ZNF385D: variants seen among roughly 807,000 people sequenced by gnomAD.
ZNF385D encodes zinc finger protein 385D.
Under a neutral mutation model 35.8 loss-of-function variants are expected in ZNF385D, and 15 were observed. That is an observed-to-expected ratio of 0.42 (90% CI 0.28 to 0.64). The LOEUF (loss-of-function observed/expected upper bound fraction) is 0.64, where lower values mean the gene tolerates loss of function less well. Ranked by LOEUF, ZNF385D falls within the 30% of genes least tolerant of loss-of-function variation. The pLI is 0.23. For missense variants in ZNF385D, 474 were observed against 494.6 expected (o/e 0.96, Z 0.39); for synonymous variants, 212 against 186.8 (o/e 1.13, Z -1.10).
chr3:21,636,571 G>A (rs9845796), intron 2 of ZNF385D, among the ~76,000 whole-genome samples: 2,580 of 150,890 alleles, frequency 0.017, 68 homozygotes, highest in African/African-American at 0.059. Context: ...GGAGAAAGAT[G>A]TAGCCTGGGA....
chr3:21,832,138 T>G (rs1000412374), intron 3 of ZNF385D, among the ~76,000 whole-genome samples: 19 of 152,204 alleles, frequency 1.2e-4, no homozygotes, highest in African/African-American at 4.6e-4. Context: ...TTAAATCTTT[T>G]TATTTGTAAC....
intron 3 of ZNF385D, among the ~76,000 whole-genome samples, chr3:21,792,439 G>C (rs543500906): frequency 6.6e-6 from 1 of 152,118 alleles, no homozygotes; most frequent in Non-Finnish European, 1.5e-5. Context: ...ACACCTATTT[G>C]TTTGCTTATT....
intron 3 of ZNF385D, among the ~76,000 whole-genome samples, chr3:21,859,413 A>AG (rs899119948): frequency 7.9e-5 from 12 of 152,036 alleles, no homozygotes; most frequent in African/African-American, 2.9e-4. Context: ...AACAGAAAAA[A>AG]AAAAAAACTG....
At chr3:21,841,771 T>G (rs2125788217) in intron 3 of ZNF385D, among the ~76,000 whole-genome samples, 1 of 152,036 alleles carries the variant, frequency 6.6e-6, no homozygotes, top group East Asian at 1.9e-4. Context: ...ACCTTGACTT[T>G]ATTGGTTTAA....
At chr3:22,288,355 T>C (rs961425313) in intron 2 of ZNF385D, among the ~76,000 whole-genome samples, 5 of 152,056 alleles carry the variant, frequency 3.3e-5, no homozygotes, top group African/African-American at 9.7e-5. Flanking sequence ...CTTGATTTCT[T>C]CTCCTGGAAT....
chr3:22,201,479 G>C (rs1696795565), intron 2 of ZNF385D, among the ~76,000 whole-genome samples: 1 of 152,036 alleles, frequency 6.6e-6, no homozygotes, highest in Non-Finnish European at 1.5e-5. Flanking sequence ...GGAAATAATT[G>C]ATGAGCACTT....
chr3:22,200,194 C>T (rs1407368995), intron 2 of ZNF385D, among the ~76,000 whole-genome samples: 1 of 152,036 alleles, frequency 6.6e-6, no homozygotes, highest in African/African-American at 2.4e-5. Flanking sequence ...GGTCAATTCA[C>T]TTTTCATTAA....
chr3:22,276,735 A>G (rs886214594), intron 2 of ZNF385D, among the ~76,000 whole-genome samples: 1 of 152,174 alleles, frequency 6.6e-6, no homozygotes, highest in Admixed American at 6.6e-5. Context: ...ACATCAAACC[A>G]AAGTACTGGC....
At chr3:22,364,791 G>A (rs1236465542) in intron 2 of ZNF385D, among the ~76,000 whole-genome samples, 1 of 152,058 alleles carries the variant, frequency 6.6e-6, no homozygotes, top group Non-Finnish European at 1.5e-5. Context: ...GTGCACTCAT[G>A]TTTACAGCAA....
At chr3:21,828,574 A>C (rs915957580) in intron 3 of ZNF385D, among the ~76,000 whole-genome samples, 3 of 152,210 alleles carry the variant, frequency 2.0e-5, no homozygotes, top group Admixed American at 2.0e-4. Flanking sequence ...TTTGTTCTAC[A>C]AATATTTATT....
intron 4 of ZNF385D, among the ~76,000 whole-genome samples, chr3:21,482,604 T>G (rs1280140995): frequency 6.6e-6 from 1 of 152,190 alleles, no homozygotes; most frequent in East Asian, 1.9e-4. Flanking sequence ...CTTTTTCAAA[T>G]TAGTGATGTC....
At chr3:21,975,725 A>ATG (rs1559808638) in intron 3 of ZNF385D, among the ~76,000 whole-genome samples, 6 of 6,488 alleles carry the variant, frequency 9.2e-4, no homozygotes, top group African/African-American at 1.9e-3. Flanking sequence ...ATATATATAT[A>ATG]TATATATATA....
chr3:21,645,783 A>G (rs1449851408), intron 2 of ZNF385D, among the ~76,000 whole-genome samples: 1 of 152,144 alleles, frequency 6.6e-6, no homozygotes, highest in Non-Finnish European at 1.5e-5. Flanking sequence ...ACTTCATCCA[A>G]CTAGATATTT....
intron 2 of ZNF385D, among the ~76,000 whole-genome samples, chr3:22,347,272 A>G (rs2125490027): frequency 6.6e-6 from 1 of 152,318 alleles, no homozygotes; most frequent in East Asian, 1.9e-4. Flanking sequence ...CTTTGACAAA[A>G]TTCAATTTAT....
At chr3:21,839,784 T>G (rs1695551622) in intron 3 of ZNF385D, among the ~76,000 whole-genome samples, 1 of 151,944 alleles carries the variant, frequency 6.6e-6, no homozygotes, top group South Asian at 2.1e-4. Context: ...ATACCAGCAA[T>G]CAAATGCCTG....
intron 3 of ZNF385D, among the ~76,000 whole-genome samples, chr3:22,028,335 G>A (rs1697697589): frequency 6.6e-6 from 1 of 152,148 alleles, no homozygotes; most frequent in Non-Finnish European, 1.5e-5. Flanking sequence ...ATCGCCCAGT[G>A]GGCCCATGAA....
intron 3 of ZNF385D, among the ~76,000 whole-genome samples, chr3:21,842,606 G>C (rs964108375): frequency 6.6e-6 from 1 of 151,914 alleles, no homozygotes; most frequent in African/African-American, 2.4e-5. Context: ...TTTACATACT[G>C]GTCTGAGGAT....
intron 3 of ZNF385D, among the ~76,000 whole-genome samples, chr3:22,070,290 A>T (rs1229283769): frequency 1.3e-5 from 2 of 152,200 alleles, no homozygotes; most frequent in Non-Finnish European, 2.9e-5. Flanking sequence ...ACCTATAATT[A>T]TATGCATATA....
chr3:22,184,940 C>G (rs894502414), intron 2 of ZNF385D, among the ~76,000 whole-genome samples: 9 of 151,738 alleles, frequency 5.9e-5, no homozygotes, highest in African/African-American at 2.2e-4. Context: ...TTTTTTTAAT[C>G]TTATTTTTTT....
Sources: gnomAD v4.1 joint callset for allele counts (sites outside exome capture counted in the v4.1 genomes callset) on GRCh38, gnomAD v4.1.1 for gene constraint, MANE v1.5 for transcripts, NCBI Gene and HGNC (gene_info 2026-07-23, HGNC 2026-07-21) for gene names.